Variants in RAP1GAP2 observed in about 807,000 individuals in gnomAD.
RAP1GAP2 encodes RAP1 GTPase activating protein 2, also known as rap1 GTPase-activating protein 2.
A neutral mutation model predicts 95.0 loss-of-function variants in RAP1GAP2; 27 were observed. That is an observed-to-expected ratio of 0.28 (90% CI 0.21 to 0.39). RAP1GAP2 has a LOEUF of 0.39. Ranked by LOEUF, RAP1GAP2 falls within the 10% of genes least tolerant of loss-of-function variation. The pLI, the probability that RAP1GAP2 is intolerant of heterozygous loss-of-function variation, is 1.00. For synonymous variants in RAP1GAP2, 373 were observed against 380.9 expected, an observed-to-expected ratio of 0.98 and a Z score of 0.24; for missense variants, 771 against 970.0, an observed-to-expected ratio of 0.79 and a Z score of 2.72.
At chr17:2,883,642 C>T (rs1295643428) in intron 2 of RAP1GAP2, among the ~76,000 whole-genome samples, 1 of 152,162 alleles carries the variant, frequency 6.6e-6, no homozygotes, top group Non-Finnish European at 1.5e-5. Flanking sequence ...TTAAAAATGT[C>T]ACTTGTCTCT....
chr17:2,913,267 A>G (rs2042453399), intron 3 of RAP1GAP2, among the ~76,000 whole-genome samples: 1 of 151,648 alleles, frequency 6.6e-6, no homozygotes, highest in African/African-American at 2.4e-5. Context: ...ACACCTGAGC[A>G]TGTGCCTATT....
intron 2 of RAP1GAP2, among the ~76,000 whole-genome samples, chr17:2,809,519 CT>C: frequency 1.3e-5 from 2 of 152,158 alleles, no homozygotes. Flanking sequence ...CCCCTCACCC[CT>C]CTCAGCTCCC....
intron 1 of RAP1GAP2, among the ~76,000 whole-genome samples, chr17:2,764,449 G>A (rs569726581): frequency 6.0e-5 from 9 of 151,162 alleles, no homozygotes; most frequent in Non-Finnish European, 8.9e-5. Context: ...AAGGCCAGGC[G>A]CGGTGGCTCA....
intron 1 of RAP1GAP2, among the ~76,000 whole-genome samples, chr17:2,766,982 G>GT (rs1011637458): frequency 9.6e-4 from 140 of 146,224 alleles, no homozygotes; most frequent in Middle Eastern, 7.0e-3. Flanking sequence ...CAGCTGCACA[G>GT]TTTTTTTTTT....
rs188970215 is a variant in RAP1GAP2 at position 2,927,395 on chromosome 17, C to G, written c.165+22027C>G. Among the ~76,000 whole-genome samples the G allele has an allele frequency of 4.5e-3, 689 of 152,214 alleles. 7 individuals carry two copies. The highest frequency in any genetic ancestry group is 0.016 in the African/African-American group (655 of 41,536). On this transcript the variant is annotated intron_variant, in intron 3 of 24. Transcript: ENST00000254695. ...GTCTCGATCTCCTGACCTCGTGATC[C>G]GCCCGCCTTGGCCTCCCAAAGTGCT...
At chr17:2,966,617 C>G (rs770531257) in intron 8 of RAP1GAP2, among the ~76,000 whole-genome samples, 3 of 152,148 alleles carry the variant, frequency 2.0e-5, no homozygotes, top group Non-Finnish European at 4.4e-5. Context: ...TCGTCAGCAC[C>G]CATCCAATCT....
intron 2 of RAP1GAP2, among the ~76,000 whole-genome samples, chr17:2,885,020 A>C (rs930858528): frequency 1.0e-4 from 12 of 115,170 alleles, no homozygotes; most frequent in East Asian, 2.6e-4. Flanking sequence ...CATTTCTTTT[A>C]TTTCTTTCTT....
At chr17:2,956,785 G>GTACCA (rs1671877151) in intron 3 of RAP1GAP2, among the ~76,000 whole-genome samples, 1 of 152,154 alleles carries the variant, frequency 6.6e-6, no homozygotes, top group Non-Finnish European at 1.5e-5. Flanking sequence ...ACACAAGGGT[G>GTACCA]GCACCAAAGT....
intron 3 of RAP1GAP2, among the ~76,000 whole-genome samples, chr17:2,954,517 ACCT>A (rs1445905873): frequency 6.6e-6 from 1 of 151,134 alleles, no homozygotes; most frequent in Non-Finnish European, 1.5e-5. Context: ...GCTTTTCTAT[ACCT>A]CCTCCTGTAG....
chr17:2,781,555 T>TGCACGTCTCTGTGTGG (rs1567643371), intron 1 of RAP1GAP2, among the ~76,000 whole-genome samples: 2 of 147,746 alleles, frequency 1.4e-5, no homozygotes, highest in African/African-American at 5.0e-5. Flanking sequence ...TCTCTGTGTG[T>TGCACGTCTCTGTGTGG]GCACGTCTCT....
At chr17:2,956,960 C>T (rs1325704580) in intron 3 of RAP1GAP2, among the ~76,000 whole-genome samples, 3 of 152,052 alleles carry the variant, frequency 2.0e-5, no homozygotes, top group African/African-American at 7.2e-5. Flanking sequence ...AACCCCGTCT[C>T]TACTAAAAAT....
At chr17:2,863,655 T>C (rs1057012841) in intron 2 of RAP1GAP2, among the ~76,000 whole-genome samples, 12 of 152,182 alleles carry the variant, frequency 7.9e-5, no homozygotes, top group African/African-American at 2.9e-4. Context: ...TGATACCTGT[T>C]GTCAAGAGGG....
At chr17:2,774,234 A>T (rs186870569), upstream of RAP1GAP2, among the ~76,000 whole-genome samples, 1 of 152,256 alleles carries the variant, frequency 6.6e-6, no homozygotes, top group East Asian at 1.9e-4. Context: ...TTACATTTTG[A>T]GGCTGCAAGA....
intron 3 of RAP1GAP2, among the ~76,000 whole-genome samples, chr17:2,921,054 C>T (rs1018707637): frequency 2.0e-5 from 3 of 152,166 alleles, no homozygotes; most frequent in Admixed American, 6.5e-5. Context: ...CTTCTTCTCC[C>T]GGAGCCCCCC....
intron 3 of RAP1GAP2, among the ~76,000 whole-genome samples, chr17:2,927,377 TCTC>T (rs2042999614): frequency 6.6e-6 from 1 of 152,026 alleles, no homozygotes; most frequent in Non-Finnish European, 1.5e-5. Context: ...ATGGTCTCGA[TCTC>T]CTGACCTCGT....
intron 10 of RAP1GAP2, 124 bp from the exon 11 acceptor site, chr17:2,984,859 T>G: frequency 6.7e-7 from 1 of 1,495,292 alleles, no homozygotes; most frequent in South Asian, 1.3e-5. Context: ...CCTCCGTGTA[T>G]GTGGATGTTT....
intron 1 of RAP1GAP2, among the ~76,000 whole-genome samples, chr17:2,766,499 AC>A (rs2068278866): frequency 6.6e-6 from 1 of 151,946 alleles, no homozygotes; most frequent in South Asian, 2.1e-4. Context: ...TGTCCCAGCT[AC>A]TTGGGAGGCT....
chr17:2,811,666 C>A (rs1031371983), intron 2 of RAP1GAP2, among the ~76,000 whole-genome samples: 14 of 152,326 alleles, frequency 9.2e-5, no homozygotes, highest in Non-Finnish European at 1.6e-4. Flanking sequence ...CAACCTCTGC[C>A]TCCCGGGTTC....
At chr17:3,028,286 C>T (rs4790417) in intron 22 of RAP1GAP2, among the ~76,000 whole-genome samples, 58,866 of 151,556 alleles carry the variant, frequency 0.39, 11,978 homozygotes, top group East Asian at 0.54. Flanking sequence ...GGTTCTGAGC[C>T]GGGGGCAGTC....
Sources: gnomAD v4.1 joint callset for allele counts (sites outside exome capture counted in the v4.1 genomes callset) on GRCh38, gnomAD v4.1.1 for gene constraint, MANE v1.5 for transcripts, NCBI Gene and HGNC (gene_info 2026-07-23, HGNC 2026-07-21) for gene names.